FAT3: variants seen among roughly 807,000 people sequenced by gnomAD.
FAT3 encodes protocadherin Fat 3.
FAT3 carries 95 observed loss-of-function variants against 310.2 expected under a neutral mutation model. That is an observed-to-expected ratio of 0.31 (90% CI 0.26 to 0.36). FAT3 has a LOEUF of 0.36. Ranked by LOEUF, FAT3 falls within the 10% of genes least tolerant of loss-of-function variation. FAT3 has a pLI of 1.00. For synonymous variants in FAT3, 2,314 were observed against 2,192.9 expected (o/e 1.06, Z -1.54); for missense variants, 5,408 against 5,715.6 (o/e 0.95, Z 1.74).
intron 14 of FAT3, among the ~76,000 whole-genome samples, chr11:92,832,347 A>T (rs1032585856): frequency 1.3e-5 from 2 of 151,890 alleles, no homozygotes; most frequent in Admixed American, 1.3e-4. Context: ...AAAAAATAAT[A>T]ATAGTAAGAA....
intron 1 of FAT3, among the ~76,000 whole-genome samples, chr11:92,314,934 T>C (rs1352013604): frequency 2.0e-5 from 3 of 152,096 alleles, no homozygotes; most frequent in Non-Finnish European, 4.4e-5. Flanking sequence ...ACTTGGCTGC[T>C]TGGGTGTGTA....
chr11:92,229,510 T>TTTTTTTTTTTTTTTTTTTC (rs1440088788), intron 1 of FAT3, among the ~76,000 whole-genome samples: 7 of 77,140 alleles, frequency 9.1e-5, no homozygotes, highest in African/African-American at 2.8e-4. Context: ...TTTTTTTGTT[T>TTTTTTTTTTTTTTTTTTTC]TTTGTTTTTT....
chr11:92,603,445 T>C (rs1940127374), intron 3 of FAT3, among the ~76,000 whole-genome samples: 1 of 152,270 alleles, frequency 6.6e-6, no homozygotes, highest in South Asian at 2.1e-4. Flanking sequence ...TTTTTGCTTT[T>C]AATTAAAGCC....
At chr11:92,289,963 A>G (rs921859980) in intron 1 of FAT3, among the ~76,000 whole-genome samples, 3 of 151,974 alleles carry the variant, frequency 2.0e-5, no homozygotes, top group African/African-American at 4.8e-5. Context: ...TGTTTTTCTG[A>G]CTTTATTTTT....
At chr11:92,336,268 C>T in intron 1 of FAT3, 1 of 537,786 alleles carries the variant, frequency 1.9e-6, no homozygotes, top group Non-Finnish European at 3.7e-6. Flanking sequence ...GGGTCCTTGT[C>T]ATAGCAATGG....
At chr11:92,676,436 G>A (rs890734228) in intron 3 of FAT3, among the ~76,000 whole-genome samples, 4 of 152,004 alleles carry the variant, frequency 2.6e-5, no homozygotes, top group Non-Finnish European at 5.9e-5. Context: ...CAGTCTGCCT[G>A]GTTCTGGTTA....
In FAT3 at chr11:92,844,129, C is replaced by G. The variant is rs1248293331; in HGVS notation, c.10762C>G (p.Leu3588Val). The G allele has an allele frequency of 6.2e-7, 1 of 1,613,992 alleles. No homozygotes were observed. The highest frequency in any genetic ancestry group is 1.3e-5 in the African/African-American group (1 of 75,028). Residue 3588 changes from leucine to valine, a missense_variant, in exon 19 of 28, where the codon CTG (leucine) becomes GTG (valine). By Grantham distance (32) the Leu-to-Val change is conservative. This residue lies in a region of FAT3 where 4,588 missense variants were observed against 4,809.8 expected (regional missense o/e 0.95). Transcript: ENST00000525166. ...QDMYDVLTFA[L>V]KSEQKSLFKV... Reference sequence around the variant, plus strand: ...CATGTATGATGTGCTCACATTTGCCCTGAAATCGGAGCAGAAAAGCTTATT... The same window carrying G: ...CATGTATGATGTGCTCACATTTGCCGTGAAATCGGAGCAGAAAAGCTTATT...
At position 92,384,264 on chromosome 11, in the gene FAT3, C is replaced by T. The variant is rs144410267; in HGVS notation, c.3292+28860C>T. On this transcript the variant is annotated intron_variant, in intron 2 of 27. Coordinates refer to ENST00000525166, the MANE Select transcript of FAT3 (RefSeq NM_001367949.2). ...TCATACCATCTCATTTTGAGTCAGA[C>T]CACCCTCACTACTGCTAAGAAGCCT... Among the ~76,000 whole-genome samples the T allele has an allele frequency of 3.1e-3, 465 of 152,194 alleles. 2 individuals are homozygous for T. The highest frequency in any genetic ancestry group is 0.01 in the African/African-American group (418 of 41,506).
At chr11:92,615,376 A>G (rs1024095207) in intron 3 of FAT3, among the ~76,000 whole-genome samples, 1 of 152,154 alleles carries the variant, frequency 6.6e-6, no homozygotes, top group East Asian at 1.9e-4. Flanking sequence ...CCTCCCAAGT[A>G]GCTGGGGTTA....
chr11:92,556,550 T>C (rs913214538), intron 3 of FAT3, among the ~76,000 whole-genome samples: 3 of 152,212 alleles, frequency 2.0e-5, no homozygotes, highest in Non-Finnish European at 4.4e-5. Context: ...CTGTGGTGAT[T>C]TGTTAATTAA....
chr11:92,507,958 A>C (rs1953171994), intron 2 of FAT3, among the ~76,000 whole-genome samples: 2 of 152,118 alleles, frequency 1.3e-5, no homozygotes, highest in Admixed American at 1.3e-4. Flanking sequence ...TCAAAGGAAA[A>C]GGCAGTTTGG....
intron 3 of FAT3, among the ~76,000 whole-genome samples, chr11:92,579,073 G>T (rs1945520): frequency 0.74 from 112,705 of 151,936 alleles, 44,058 homozygotes; most frequent in Non-Finnish European, 0.88. Context: ...TAATTGTGTT[G>T]TAAGCTAAAA....
At chr11:92,375,923 C>A (rs1006624705) in intron 2 of FAT3, among the ~76,000 whole-genome samples, 1 of 152,202 alleles carries the variant, frequency 6.6e-6, no homozygotes, top group Non-Finnish European at 1.5e-5. Context: ...CTTTTACTCA[C>A]AGAACTCTTT....
intron 2 of FAT3, among the ~76,000 whole-genome samples, chr11:92,495,356 C>A (rs997807904): frequency 1.3e-5 from 2 of 152,040 alleles, no homozygotes; most frequent in African/African-American, 4.8e-5. Context: ...GCGCATCTCC[C>A]AAATGCCTAG....
intron 4 of FAT3, among the ~76,000 whole-genome samples, chr11:92,709,643 C>G (rs1321306389): frequency 6.6e-6 from 1 of 152,188 alleles, no homozygotes; most frequent in East Asian, 1.9e-4. Flanking sequence ...TCCAGGTAAT[C>G]CACAACCCAG....
chr11:92,284,509 A>G (rs552664347), intron 1 of FAT3, among the ~76,000 whole-genome samples: 2 of 152,136 alleles, frequency 1.3e-5, no homozygotes, highest in African/African-American at 2.4e-5. Flanking sequence ...ATATTATGTT[A>G]TAAGAGTCCT....
chr11:92,705,485 T>TG (rs1565526899), intron 4 of FAT3, among the ~76,000 whole-genome samples: 2 of 62,672 alleles, frequency 3.2e-5, no homozygotes, highest in Admixed American at 1.7e-4. Context: ...GTGATAGTGG[T>TG]GTGATGGTGG....
At chr11:92,360,396 A>C (rs1044911246) in intron 2 of FAT3, among the ~76,000 whole-genome samples, 1 of 152,254 alleles carries the variant, frequency 6.6e-6, no homozygotes, top group African/African-American at 2.4e-5. Flanking sequence ...GGCCTCCCCA[A>C]CTATAGTGGA....
intron 3 of FAT3, among the ~76,000 whole-genome samples, chr11:92,581,484 C>T (rs752252986): frequency 1.8e-4 from 28 of 152,020 alleles, no homozygotes; most frequent in Non-Finnish European, 7.4e-5. Context: ...GGTCCTACTT[C>T]AAGATGTACT....
Sources: allele counts gnomAD v4.1 joint callset (sites outside exome capture counted in the v4.1 genomes callset), GRCh38; gene constraint gnomAD v4.1.1; regional missense constraint gnomAD v4.1.1; transcripts MANE v1.5; gene names NCBI Gene and HGNC (gene_info 2026-07-23, HGNC 2026-07-21).